Variants in ARHGAP24 observed in about 807,000 individuals in gnomAD.
ARHGAP24 encodes the protein Rho GTPase activating protein 24, also known as rho GTPase-activating protein 24.
Under a neutral mutation model 76.4 loss-of-function variants are expected in ARHGAP24, and 50 were observed. The observed-to-expected ratio is 0.65, with a 90% CI of 0.52 to 0.83. ARHGAP24 has a LOEUF of 0.83. Among genes scored for constraint, ARHGAP24 ranks in the 40% least tolerant of loss-of-function variants. ARHGAP24 has a pLI of 0.00. For missense variants in ARHGAP24, 930 were observed against 914.2 expected (o/e 1.02, Z -0.22); for synonymous variants, 345 against 323.3 (o/e 1.07, Z -0.72).
intron 1 of ARHGAP24, among the ~76,000 whole-genome samples, chr4:85,522,770 C>G (rs976131138): frequency 1.3e-5 from 2 of 152,150 alleles, no homozygotes; most frequent in African/African-American, 4.8e-5. Context: ...GCCTGTTTTG[C>G]TATCATGTAC....
At chr4:85,667,014 T>C (rs1208351414) in intron 2 of ARHGAP24, among the ~76,000 whole-genome samples, 2 of 152,182 alleles carry the variant, frequency 1.3e-5, no homozygotes, top group Non-Finnish European at 2.9e-5. Context: ...GGAGAACCAC[T>C]GCTCTCTTCA....
At chr4:85,764,481 C>A (rs1199048606) in intron 3 of ARHGAP24, among the ~76,000 whole-genome samples, 1 of 152,124 alleles carries the variant, frequency 6.6e-6, no homozygotes, top group Admixed American at 6.6e-5. Flanking sequence ...TTATTGATAT[C>A]ATTAACCAGA....
intron 1 of ARHGAP24, among the ~76,000 whole-genome samples, chr4:85,496,854 T>C (rs1723603296): frequency 6.6e-6 from 1 of 152,202 alleles, no homozygotes; most frequent in South Asian, 2.1e-4. Context: ...TGAAAGTCTA[T>C]CCTTTCTGAG....
chr4:85,717,605 A>G (rs1423464459), intron 2 of ARHGAP24, among the ~76,000 whole-genome samples: 2 of 152,116 alleles, frequency 1.3e-5, no homozygotes, highest in Non-Finnish European at 2.9e-5. Flanking sequence ...TACTCTGCAC[A>G]TATGGTTCTA....
At chr4:85,578,457 T>C (rs1244752806) in intron 2 of ARHGAP24, among the ~76,000 whole-genome samples, 1 of 152,188 alleles carries the variant, frequency 6.6e-6, no homozygotes, top group Non-Finnish European at 1.5e-5. Context: ...CACTCATAAT[T>C]TTCTCCAGAA....
chr4:85,833,002 G>T (rs981611219), intron 3 of ARHGAP24, among the ~76,000 whole-genome samples: 17 of 152,182 alleles, frequency 1.1e-4, no homozygotes, highest in African/African-American at 2.9e-4. Flanking sequence ...AGAGAGGAAG[G>T]AAAGCAAAGA....
intron 3 of ARHGAP24, among the ~76,000 whole-genome samples, chr4:85,852,217 C>G (rs921121548): frequency 3.9e-5 from 6 of 152,150 alleles, no homozygotes; most frequent in Non-Finnish European, 7.3e-5. Context: ...GTCACTGAAA[C>G]CCTTTCTTCC....
intron 1 of ARHGAP24, among the ~76,000 whole-genome samples, chr4:85,494,769 G>T (rs1301913476): frequency 6.6e-6 from 1 of 151,966 alleles, no homozygotes; most frequent in Non-Finnish European, 1.5e-5. Flanking sequence ...TTCTGTAACG[G>T]AATACAAGAT....
intron 2 of ARHGAP24, among the ~76,000 whole-genome samples, chr4:85,717,088 G>GT (rs948503869): frequency 1.3e-5 from 2 of 152,038 alleles, no homozygotes; most frequent in African/African-American, 2.4e-5. Context: ...AATATCTATC[G>GT]TATTTACTAA....
chr4:85,644,037 A>G (rs201260825), intron 2 of ARHGAP24, among the ~76,000 whole-genome samples: 2 of 152,180 alleles, frequency 1.3e-5, no homozygotes, highest in Non-Finnish European at 2.9e-5. Context: ...ATGCAATAAT[A>G]TAGTATGATT....
intron 2 of ARHGAP24, among the ~76,000 whole-genome samples, chr4:85,636,365 G>A (rs1029311732): frequency 4.6e-5 from 7 of 151,854 alleles, no homozygotes; most frequent in African/African-American, 1.7e-4. Flanking sequence ...CCTTATGGGT[G>A]TTCTAGTTGC....
chr4:85,766,635 C>T (rs933762384), intron 3 of ARHGAP24, among the ~76,000 whole-genome samples: 13 of 151,968 alleles, frequency 8.6e-5, no homozygotes, highest in Admixed American at 6.6e-4. Flanking sequence ...CAGTGAACAA[C>T]AAAACAGCAT....
At chr4:85,913,665 A>G (rs1371237285) in intron 3 of ARHGAP24, among the ~76,000 whole-genome samples, 1 of 152,122 alleles carries the variant, frequency 6.6e-6, no homozygotes. Flanking sequence ...CTGGCATAAC[A>G]ACAGGTGTTC....
intron 2 of ARHGAP24, among the ~76,000 whole-genome samples, chr4:85,635,076 T>C (rs1721273565): frequency 1.3e-5 from 2 of 151,922 alleles, no homozygotes; most frequent in Non-Finnish European, 2.9e-5. Context: ...GACCAATATA[T>C]GTTTTTTATT....
chr4:85,619,314 A>G (rs112053812), intron 2 of ARHGAP24, among the ~76,000 whole-genome samples: 4 of 150,740 alleles, frequency 2.7e-5, no homozygotes, highest in Admixed American at 2.0e-4. Flanking sequence ...ATTTTGTTCC[A>G]TTGGTCTATA....
intron 1 of ARHGAP24, among the ~76,000 whole-genome samples, chr4:85,542,530 A>G (rs905376359): frequency 2.6e-5 from 4 of 152,204 alleles, no homozygotes; most frequent in African/African-American, 9.7e-5. Flanking sequence ...ACTAATCAGA[A>G]TGCATGAATC....
At chr4:85,900,238 A>G (rs373909241) in intron 3 of ARHGAP24, among the ~76,000 whole-genome samples, 25 of 152,322 alleles carry the variant, frequency 1.6e-4, no homozygotes, top group African/African-American at 4.6e-4. Flanking sequence ...TATCAATATC[A>G]GTATTCTATC....
In ARHGAP24 at chr4:85,934,926, T is replaced by TAC. The variant is rs376594899; in HGVS notation, c.392-7126_392-7125dup. On this transcript the variant is annotated intron_variant, in intron 4 of 9. Coordinates refer to ENST00000395184, the MANE Select transcript of ARHGAP24 (RefSeq NM_001025616.3). The stretch of plus-strand genomic sequence containing the variant: ...ACACACATGCACATATGCGTGCACA[T>TAC]ACACACACACACACATATTCATTCC... Among the ~76,000 whole-genome samples, 52 of 151,548 alleles carry TAC rather than the reference T, an allele frequency of 3.4e-4. No homozygotes were observed. The East Asian group carries it at 3.9e-3, about 11-fold the overall frequency.
intron 3 of ARHGAP24, among the ~76,000 whole-genome samples, chr4:85,857,524 C>A (rs77664240): frequency 1.3e-5 from 2 of 151,970 alleles, no homozygotes; most frequent in Admixed American, 1.3e-4. Context: ...TTCCCCCAAC[C>A]CATTTATTTT....
Sources: gnomAD v4.1 joint callset for allele counts (sites outside exome capture counted in the v4.1 genomes callset) on GRCh38, gnomAD v4.1.1 for gene constraint, MANE v1.5 for transcripts, NCBI Gene and HGNC (gene_info 2026-07-23, HGNC 2026-07-21) for gene names.